Variants in PDS5B observed in about 807,000 individuals in gnomAD.
The protein encoded by PDS5B is sister chromatid cohesion protein PDS5 homolog B.
In PDS5B, 51 loss-of-function variants were observed where a neutral mutation model predicts 184.1. The ratio of observed to expected loss-of-function variants is 0.28; its 90% CI spans 0.22 to 0.35. PDS5B has a LOEUF of 0.35. PDS5B is among the 10% of genes least tolerant of loss of function. The probability of loss-of-function intolerance (pLI) is 1.00; values close to 1 mark genes in which losing one functional copy is unlikely to be tolerated. For missense variants in PDS5B, 1,180 were observed against 1,723.3 expected (o/e 0.68, Z 5.58); for synonymous variants, 566 against 569.2 (o/e 0.99, Z 0.08).
chr13:32,733,280 C>A (rs7319275), intron 20 of PDS5B, among the ~76,000 whole-genome samples: 67,072 of 151,878 alleles, frequency 0.44, 15,202 homozygotes, highest in African/African-American at 0.49. Flanking sequence ...TAGTCCTCCT[C>A]CTATGTAGCA....
At chr13:32,724,374 ATTGT>A (rs1455774454) in intron 19 of PDS5B, among the ~76,000 whole-genome samples, 17 of 152,040 alleles carry the variant, frequency 1.1e-4, no homozygotes, top group African/African-American at 3.4e-4. Flanking sequence ...CTCCTCAAAA[ATTGT>A]TTGTTTGATT....
At chr13:32,741,442 G>A (rs762900) in intron 22 of PDS5B, among the ~76,000 whole-genome samples, 107,792 of 151,994 alleles carry the variant, frequency 0.71, 38,765 homozygotes, top group African/African-American at 0.83. Flanking sequence ...AAAGATGATA[G>A]TTCAGATTTT....
In PDS5B at chr13:32,658,032, G is replaced by A. The variant is rs543885234; in HGVS notation, c.313-207G>A. Among the ~76,000 whole-genome samples the A allele has an allele frequency of 3.2e-4, 49 of 152,158 alleles. 1 individual carries two copies. The South Asian group carries it at 1.0e-2, about 31-fold the overall frequency. The stretch of plus-strand genomic sequence containing the variant: ...TTAAGATTATGGCAAATGATTTACT[G>A]TTTTCCTATGAAGGATAGTAAGATA... On this transcript the variant is annotated intron_variant, in intron 3 of 34. Transcript: ENST00000315596.
intron 33 of PDS5B, among the ~76,000 whole-genome samples, chr13:32,771,518 A>T (rs1954785564): frequency 1.4e-5 from 1 of 72,476 alleles, no homozygotes; most frequent in Admixed American, 1.6e-4. Flanking sequence ...ACCCATACAT[A>T]ATTACATCAT....
rs74045111 is a variant in PDS5B at position 32,770,857 on chromosome 13, A to G, written c.4172+96A>G. 7.1e-4 allele frequency: 646 copies of G among 904,814 alleles called. 2 individuals are homozygous for G. In the African/African-American group the frequency reaches 9.6e-3, roughly 13 times the overall value. 56.0% of individuals were successfully genotyped at this position (904,814 alleles called of 1,614,324 possible). On this transcript the variant is annotated intron_variant, in intron 33 of 34. Coordinates refer to ENST00000315596, the MANE Select transcript of PDS5B (RefSeq NM_015032.4). ...ACATATTGCTGTATTTAAATTCCAT[A>G]TATTTAGCCCCATTACACTAGGTAA...
Position 32,667,834 on chromosome 13 carries a change from A to T in PDS5B, c.695A>T (p.Tyr232Phe), listed in dbSNP as rs755854224. The T allele has an allele frequency of 6.4e-7, 1 of 1,563,948 alleles. No homozygotes were observed. Among genetic ancestry groups the T allele is most frequent in the African/African-American group, 1.4e-5 (1 of 73,016 alleles). Residue 232 changes from tyrosine (Y) to phenylalanine (F), a missense_variant, in exon 7 of 35, where the codon TAT (tyrosine) becomes TTT (phenylalanine). This residue lies in a region of PDS5B where 79 missense variants were observed against 124.6 expected (regional missense o/e 0.63). Transcript: ENST00000315596. ...LKRTAQAIEP[Y>F]ITNFFNQVLM... ...AGGACAGCTCAAGCTATTGAGCCATATATTACCAATGTAAGTCTTACTTGT... is the reference window on the plus strand; with the variant it reads ...AGGACAGCTCAAGCTATTGAGCCATTTATTACCAATGTAAGTCTTACTTGT...
chr13:32,725,975 C>G (rs534970558), intron 19 of PDS5B, among the ~76,000 whole-genome samples: 1 of 151,482 alleles, frequency 6.6e-6, no homozygotes, highest in Non-Finnish European at 1.5e-5. Flanking sequence ...GGATACATAC[C>G]CTTGTTCATT....
rs1456733205 is a variant in PDS5B, at chr13:32,777,389, A to G, written c.*2337A>G. On this transcript the variant is annotated 3_prime_UTR_variant, in exon 35 of 35. Transcript: ENST00000315596. ...TTTGTGTAGAAAAATAGGTGCAATA[A>G]TGATCAAAGTTTTGATGTCTTGAGT... 1 of 148,752 alleles carries G rather than the reference A, an allele frequency of 6.7e-6. No homozygotes were observed. Among genetic ancestry groups the G allele is most frequent in the Non-Finnish European group, 1.5e-5 (1 of 67,092 alleles). 9.2% of individuals were successfully genotyped at this position (148,752 alleles called of 1,614,324 possible).
chr13:32,768,500 G>A (rs994580492), intron 31 of PDS5B, among the ~76,000 whole-genome samples: 8 of 152,022 alleles, frequency 5.3e-5, no homozygotes, highest in Non-Finnish European at 8.8e-5. Flanking sequence ...AAGCAAGTAA[G>A]AAATAACACT....
chr13:32,656,312 G>T (rs1272281706), intron 3 of PDS5B, among the ~76,000 whole-genome samples: 2 of 123,728 alleles, frequency 1.6e-5, no homozygotes, highest in Non-Finnish European at 3.2e-5. Context: ...TGCCTTGGCT[G>T]TTTGGGGTCC....
chr13:32,738,952 A>G (rs1484314043), intron 21 of PDS5B, among the ~76,000 whole-genome samples: 1 of 152,150 alleles, frequency 6.6e-6, no homozygotes, highest in Non-Finnish European at 1.5e-5. Context: ...GATTACAGGC[A>G]TGAGCCACCA....
chr13:32,717,035 G>T lies in PDS5B; in HGVS notation c.2123+6929G>T, dbSNP rs1161102141. ...AGGGAGGTGGGGGGGTCAGCCCCCC[G>T]CCCGGCCAGCCGCCTCGTCCGGGAG... On this transcript the variant is annotated intron_variant, in intron 19 of 34. Coordinates refer to ENST00000315596, the MANE Select transcript of PDS5B (RefSeq NM_015032.4). 4.8e-5 allele frequency among the ~76,000 whole-genome samples: 5 copies of T among 103,786 alleles called. No homozygotes were observed. In the East Asian group the frequency reaches 9.9e-4, roughly 21 times the overall value. 68.1% of individuals were successfully genotyped at this position (103,786 alleles called of 152,430 possible).
chr13:32,597,585 G>A, intron 1 of PDS5B, among the ~76,000 whole-genome samples: 1 of 151,790 alleles, frequency 6.6e-6, no homozygotes, highest in Non-Finnish European at 1.5e-5. Flanking sequence ...GAGCACTTTG[G>A]GAGGCTGAGG....
At chr13:32,648,117 A>T (rs1456536557) in intron 1 of PDS5B, among the ~76,000 whole-genome samples, 4 of 152,174 alleles carry the variant, frequency 2.6e-5, no homozygotes, top group Non-Finnish European at 5.9e-5. Flanking sequence ...TTTAGCACCA[A>T]GGCAGCCTTC....
chr13:32,713,409 G>A (rs1449829573), intron 19 of PDS5B, among the ~76,000 whole-genome samples: 2 of 152,036 alleles, frequency 1.3e-5, no homozygotes, highest in African/African-American at 4.8e-5. Context: ...TAACTGATAA[G>A]CAATACTTAA....
intron 23 of PDS5B, among the ~76,000 whole-genome samples, chr13:32,744,675 A>G (rs1953683063): frequency 6.6e-6 from 1 of 152,170 alleles, no homozygotes; most frequent in African/African-American, 2.4e-5. Flanking sequence ...GGTGGTTTAT[A>G]CTTTTTGCAC....
intron 9 of PDS5B, among the ~76,000 whole-genome samples, chr13:32,678,468 A>T (rs527742645): frequency 6.6e-6 from 1 of 152,198 alleles, no homozygotes; most frequent in Non-Finnish European, 1.5e-5. Flanking sequence ...TCTTTCAAAC[A>T]TAGTTTGAGA....
At chr13:32,625,978 A>C (rs2058365454) in intron 1 of PDS5B, among the ~76,000 whole-genome samples, 1 of 152,052 alleles carries the variant, frequency 6.6e-6, no homozygotes, top group Non-Finnish European at 1.5e-5. Context: ...AGCTGGGATC[A>C]CAGGCACGCA....
intron 21 of PDS5B, among the ~76,000 whole-genome samples, chr13:32,739,558 T>C (rs1953468126): frequency 6.6e-6 from 1 of 152,230 alleles, no homozygotes; most frequent in African/African-American, 2.4e-5. Context: ...TTGATTATTT[T>C]CTAATGCTTG....
Sources: allele counts gnomAD v4.1 joint callset (sites outside exome capture counted in the v4.1 genomes callset), GRCh38; gene constraint gnomAD v4.1.1; regional missense constraint gnomAD v4.1.1; transcripts MANE v1.5; gene names NCBI Gene and HGNC (gene_info 2026-07-23, HGNC 2026-07-21).